Variants in LIN28B observed in about 807,000 individuals in gnomAD.
LIN28B encodes protein lin-28 homolog B.
LIN28B carries 5 observed loss-of-function variants against 21.9 expected under a neutral mutation model. The ratio of observed to expected loss-of-function variants is 0.23; its 90% CI spans 0.12 to 0.48. The LOEUF (loss-of-function observed/expected upper bound fraction) is 0.48, where lower values mean the gene tolerates loss of function less well. LIN28B is among the 20% of genes least tolerant of loss of function. The pLI, the probability that LIN28B is intolerant of heterozygous loss-of-function variation, is 0.98. For synonymous variants in LIN28B, 109 were observed against 111.3 expected (o/e 0.98, Z 0.13); for missense variants, 245 against 310.5 (o/e 0.79, Z 1.58).
intron 3 of LIN28B, among the ~76,000 whole-genome samples, chr6:105,053,705 G>GGGTGCA (rs1342535041): frequency 1.0e-5 from 1 of 95,734 alleles, no homozygotes; most frequent in Non-Finnish European, 2.2e-5. Context: ...TATGGTGTGT[G>GGGTGCA]TGTGGGTGCG....
chr6:105,074,625 C>T (rs745544767), intron 3 of LIN28B, among the ~76,000 whole-genome samples: 3 of 152,136 alleles, frequency 2.0e-5, no homozygotes, highest in African/African-American at 4.8e-5. Context: ...AATATGCTAG[C>T]TCATTAGAAT....
Position 104,947,515 on chromosome 6 carries a change from T to C in LIN28B, c.19-2946T>C, listed in dbSNP as rs545432440. Among the ~76,000 whole-genome samples, 5 of 152,290 alleles carry C rather than the reference T, an allele frequency of 3.3e-5. No individual in the cohort carries two copies. The East Asian group carries it at 7.7e-4, about 23-fold the overall frequency. Reference sequence around the variant, plus strand: ...AACAGTGGATTTTAACAATGAACAATATATAATGTATTTGTGAAGAATATT... The same window carrying C: ...AACAGTGGATTTTAACAATGAACAACATATAATGTATTTGTGAAGAATATT... On this transcript the variant is annotated intron_variant, in intron 2 of 5. Coordinates refer to the LIN28B transcript ENST00000635857.
chr6:105,077,624 AAAAG>A (rs1216213460), intron 3 of LIN28B, among the ~76,000 whole-genome samples: 1 of 152,190 alleles, frequency 6.6e-6, no homozygotes, highest in Admixed American at 6.5e-5. Context: ...AGATCACCCT[AAAAG>A]AAAGCTAATT....
intron 2 of LIN28B, among the ~76,000 whole-genome samples, chr6:104,981,059 T>A (rs892700853): frequency 6.6e-6 from 1 of 152,164 alleles, no homozygotes; most frequent in African/African-American, 2.4e-5. Flanking sequence ...CTAGTAAAAA[T>A]ACAGTGTAAT....
intron 3 of LIN28B, among the ~76,000 whole-genome samples, chr6:105,034,019 A>G (rs1771475044): frequency 6.6e-6 from 1 of 151,836 alleles, no homozygotes; most frequent in Non-Finnish European, 1.5e-5. Flanking sequence ...TCTTTTTTAT[A>G]TATAGTTTAA....
At position 105,051,318 on chromosome 6, in the gene LIN28B, A is replaced by G. The variant is rs568854409; in HGVS notation, c.383+24836A>G. Among the ~76,000 whole-genome samples the G allele has an allele frequency of 4.0e-5, 6 of 151,402 alleles. No individual in the cohort carries two copies. The South Asian group carries it at 1.2e-3, about 31-fold the overall frequency. ...GCCAGGCGTGGTGGCGTGCACCTGT[A>G]ATCCCAGCTACTCAGGAGGGTAAGG... On this transcript the variant is annotated intron_variant, in intron 3 of 3. Transcript: ENST00000345080.
intron 2 of LIN28B, chr6:104,941,158 C>T (rs1339244381): frequency 6.6e-6 from 1 of 152,234 alleles, no homozygotes; most frequent in Non-Finnish European, 1.5e-5. Flanking sequence ...AGAGGAGGCG[C>T]GAGCGCCAGG....
intron 2 of LIN28B, among the ~76,000 whole-genome samples, chr6:105,001,796 CTCT>C (rs1329289224): frequency 1.3e-5 from 2 of 152,174 alleles, no homozygotes; most frequent in Non-Finnish European, 2.9e-5. Context: ...ATAAAATGAG[CTCT>C]TCTTCAAGTT....
intron 3 of LIN28B, among the ~76,000 whole-genome samples, chr6:105,029,965 G>A (rs895571769): frequency 6.6e-6 from 1 of 152,142 alleles, no homozygotes; most frequent in Non-Finnish European, 1.5e-5. Flanking sequence ...TATAGTTGGG[G>A]TACTGATCTG....
intron 2 of LIN28B, among the ~76,000 whole-genome samples, chr6:104,978,950 TA>T (rs1342779289): frequency 2.0e-5 from 3 of 152,162 alleles, no homozygotes; most frequent in African/African-American, 7.2e-5. Flanking sequence ...GAGTGAGACA[TA>T]AGTTGTCCGA....
At chr6:105,047,359 T>C (rs1771791200) in intron 3 of LIN28B, among the ~76,000 whole-genome samples, 1 of 152,298 alleles carries the variant, frequency 6.6e-6, no homozygotes, top group African/African-American at 2.4e-5. Context: ...AGTGCTCTGT[T>C]CTGTTCCATT....
At chr6:104,941,393 C>A (rs1453851601) in intron 2 of LIN28B, 1 of 150,230 alleles carries the variant, frequency 6.7e-6, no homozygotes, top group Non-Finnish European at 1.5e-5. Flanking sequence ...CAGCGGCCGC[C>A]CAGGCTCGCC....
At chr6:105,063,643 G>A (rs971516932) in intron 3 of LIN28B, among the ~76,000 whole-genome samples, 4 of 141,326 alleles carry the variant, frequency 2.8e-5, no homozygotes, top group South Asian at 2.4e-4. Context: ...CTCGGGGGGG[G>A]GGGGGAAAAA....
At position 105,059,544 on chromosome 6, in the gene LIN28B, T is replaced by C. The variant is rs536399673; in HGVS notation, c.384-18870T>C. On this transcript the variant is annotated intron_variant, in intron 3 of 3. Coordinates refer to ENST00000345080, the MANE Select transcript of LIN28B (RefSeq NM_001004317.4). ...TTGTAGTTTTTCCATTACTATTTTATTGAAAAATCATTATAGTGGTAAGTG... is the reference window on the plus strand; with the variant it reads ...TTGTAGTTTTTCCATTACTATTTTACTGAAAAATCATTATAGTGGTAAGTG... Among the ~76,000 whole-genome samples, 121 of 152,220 alleles carry C rather than the reference T, an allele frequency of 7.9e-4. 1 individual carries two copies. Among genetic ancestry groups the C allele is most frequent in the Admixed American group, 2.9e-3 (45 of 15,282 alleles).
chr6:104,987,455 C>T (rs1412528421), intron 2 of LIN28B, among the ~76,000 whole-genome samples: 6 of 151,996 alleles, frequency 3.9e-5, no homozygotes, highest in Non-Finnish European at 7.4e-5. Flanking sequence ...TGGGTCCTGC[C>T]GCCTCAGCCT....
chr6:105,077,363 TTAAAATCA>T (rs1772447165), intron 3 of LIN28B, among the ~76,000 whole-genome samples: 1 of 152,212 alleles, frequency 6.6e-6, no homozygotes, highest in Non-Finnish European at 1.5e-5. Context: ...AATTCTGTAT[TTAAAATCA>T]GATTTAACAC....
chr6:105,025,743 AAAAT>A (rs1486188275), intron 2 of LIN28B, among the ~76,000 whole-genome samples: 1 of 152,164 alleles, frequency 6.6e-6, no homozygotes, highest in Non-Finnish European at 1.5e-5. Context: ...TCCCATATCA[AAAAT>A]AAATAAACAA....
At chr6:105,036,173 A>G (rs532516342) in intron 3 of LIN28B, among the ~76,000 whole-genome samples, 16 of 151,876 alleles carry the variant, frequency 1.1e-4, no homozygotes, top group Non-Finnish European at 1.8e-4. Context: ...TAGTTTCTAT[A>G]TTTTGGTCCC....
chr6:104,985,503 A>T (rs1463102869), intron 2 of LIN28B, among the ~76,000 whole-genome samples: 1 of 152,182 alleles, frequency 6.6e-6, no homozygotes, highest in Admixed American at 6.5e-5. Context: ...TCTTGATAGT[A>T]CATATCTTGA....
Sources: allele counts gnomAD v4.1 joint callset (sites outside exome capture counted in the v4.1 genomes callset), GRCh38; gene constraint gnomAD v4.1.1; transcripts MANE v1.5; gene names NCBI Gene and HGNC (gene_info 2026-07-23, HGNC 2026-07-21).